Variants in USH2A observed in about 807,000 individuals in gnomAD.
USH2A encodes Usher syndrome 2A (autosomal recessive, mild).
A neutral mutation model predicts 538.9 loss-of-function variants in USH2A; 443 were observed. The ratio of observed to expected loss-of-function variants is 0.82; its 90% CI spans 0.76 to 0.89. The LOEUF is 0.89. Among genes scored for constraint, USH2A ranks in the 40% least tolerant of loss-of-function variants. The pLI is 0.00. For missense variants in USH2A, 6,633 were observed against 6,324.8 expected, an observed-to-expected ratio of 1.05 and a Z score of -1.65; for synonymous variants, 2,413 against 2,273.5, an observed-to-expected ratio of 1.06 and a Z score of -1.75.
At chr1:215,889,936 C>T (rs539367956) in intron 40 of USH2A, among the ~76,000 whole-genome samples, 20 of 152,190 alleles carry the variant, frequency 1.3e-4, no homozygotes, top group South Asian at 2.1e-4. Flanking sequence ...TACTGGGCTG[C>T]GTTAAATTCT....
intron 30 of USH2A, among the ~76,000 whole-genome samples, chr1:216,063,740 C>G (rs2031259222): frequency 6.6e-6 from 1 of 152,098 alleles, no homozygotes; most frequent in African/African-American, 2.4e-5. Flanking sequence ...ATATAGAAGT[C>G]TTCACTTAAT....
chr1:215,836,850 C>T (rs1050138422), intron 47 of USH2A, among the ~76,000 whole-genome samples: 16 of 151,484 alleles, frequency 1.1e-4, no homozygotes, highest in African/African-American at 3.9e-4. Flanking sequence ...GCCACCACGC[C>T]CCACCTTGCC....
chr1:216,214,806 T>C (rs1465103059), intron 15 of USH2A, among the ~76,000 whole-genome samples: 1 of 151,914 alleles, frequency 6.6e-6, no homozygotes, highest in Non-Finnish European at 1.5e-5. Flanking sequence ...ACAATGAGAA[T>C]AGTGTCAAGA....
At chr1:215,631,183 G>A (rs1656272422) in intron 70 of USH2A, among the ~76,000 whole-genome samples, 2 of 152,070 alleles carry the variant, frequency 1.3e-5, no homozygotes, top group South Asian at 2.1e-4. Flanking sequence ...TTGGAAGAGG[G>A]TCACAGCAGC....
chr1:215,930,199 G>A (rs1666329154), intron 38 of USH2A, among the ~76,000 whole-genome samples: 1 of 151,902 alleles, frequency 6.6e-6, no homozygotes, highest in Admixed American at 6.6e-5. Flanking sequence ...TTACAATAAA[G>A]CAGTTCAGAA....
chr1:216,042,120 T>C (rs934065974), intron 32 of USH2A, among the ~76,000 whole-genome samples: 1 of 152,062 alleles, frequency 6.6e-6, no homozygotes, highest in African/African-American at 2.4e-5. Flanking sequence ...TATAATGTTA[T>C]TCAAAACATT....
intron 4 of USH2A, 45 bp from the exon 5 acceptor site, chr1:216,327,699 C>G (rs2037763986): frequency 6.2e-7 from 1 of 1,601,050 alleles, no homozygotes; most frequent in Non-Finnish European, 8.6e-7. Context: ...CTCTGTTTAC[C>G]AAGCAATACC....
chr1:215,804,847 C>A (rs576724104), intron 49 of USH2A, among the ~76,000 whole-genome samples: 5 of 152,006 alleles, frequency 3.3e-5, no homozygotes, highest in African/African-American at 7.2e-5. Context: ...ATGTTTATTG[C>A]GGCACTATTC....
At chr1:216,371,871 G>A (rs535411195) in intron 3 of USH2A, among the ~76,000 whole-genome samples, 16 of 152,138 alleles carry the variant, frequency 1.1e-4, no homozygotes, top group Non-Finnish European at 1.9e-4. Flanking sequence ...AAAAGGCACC[G>A]TTTTCTAACA....
chr1:216,266,330 A>G (rs773042), intron 11 of USH2A, among the ~76,000 whole-genome samples: 96,395 of 151,944 alleles, frequency 0.63, 30,925 homozygotes, highest in East Asian at 0.72. Context: ...AGAGACCAAT[A>G]AAATAAGTCA....
intron 11 of USH2A, among the ~76,000 whole-genome samples, chr1:216,284,808 T>A (rs2036849970): frequency 6.6e-6 from 1 of 152,168 alleles, no homozygotes; most frequent in Non-Finnish European, 1.5e-5. Flanking sequence ...GATAGTGATA[T>A]GGACAATAAA....
intron 33 of USH2A, 97 bp from the exon 34 acceptor site, chr1:215,999,155 T>C: frequency 9.4e-7 from 1 of 1,063,998 alleles, no homozygotes; most frequent in Non-Finnish European, 1.4e-6. Flanking sequence ...TTTGTGACAC[T>C]TTTTTAAAAA....
chr1:215,650,710 G>T lies in USH2A; in HGVS notation c.14225C>A (p.Thr4742Lys). Residue 4742 changes from threonine to lysine, a missense_variant, in exon 65 of 72, where the codon ACG becomes AAG. Coordinates refer to ENST00000307340, the MANE Select transcript of USH2A (RefSeq NM_206933.4). ...TTGGGTAGAAGAGATCACATGGAACGTGGGGGCTCTGAGACCTTCTGGTGG... is the reference window on the plus strand; with the variant it reads ...TTGGGTAGAAGAGATCACATGGAACTTGGGGGCTCTGAGACCTTCTGGTGG... ...PAPPEGLRAPTFHVISSTQAV... is the reference protein window; with the variant it reads ...PAPPEGLRAPKFHVISSTQAV... 2 of 1,614,034 alleles carry T rather than the reference G, an allele frequency of 1.2e-6. No homozygotes were observed. Among genetic ancestry groups the T allele is most frequent in the Non-Finnish European group, 1.7e-6 (2 of 1,180,002 alleles).
intron 61 of USH2A, among the ~76,000 whole-genome samples, chr1:215,705,935 C>A (rs963605615): frequency 6.6e-6 from 1 of 152,164 alleles, no homozygotes; most frequent in Non-Finnish European, 1.5e-5. Flanking sequence ...AGCATAAGTT[C>A]CTTATGCCTC....
intron 21 of USH2A, among the ~76,000 whole-genome samples, chr1:216,147,768 G>A (rs1039762363): frequency 6.6e-6 from 1 of 151,136 alleles, no homozygotes; most frequent in Non-Finnish European, 1.5e-5. Context: ...CCAAACGCCT[G>A]AACCGCAGCG....
intron 38 of USH2A, among the ~76,000 whole-genome samples, chr1:215,918,630 C>T (rs1666020909): frequency 1.3e-5 from 2 of 152,102 alleles, no homozygotes; most frequent in South Asian, 2.1e-4. Context: ...CTTACCTCAA[C>T]ATGCCATTAA....
At chr1:216,096,968 G>T in intron 22 of USH2A, 115 bp downstream of exon 22, 1 of 1,115,282 alleles carries the variant, frequency 9.0e-7, no homozygotes, top group Non-Finnish European at 1.3e-6. Flanking sequence ...GATAATAATA[G>T]TACTTACCTT....
intron 37 of USH2A, among the ~76,000 whole-genome samples, chr1:215,953,867 GA>G (rs1316904535): frequency 1.3e-5 from 2 of 151,662 alleles, no homozygotes; most frequent in African/African-American, 4.8e-5. Flanking sequence ...AAATTTACAA[GA>G]AAAAAACAAA....
rs556015110 is a variant in USH2A, at chr1:215,732,208, T to G, written c.11712-3824A>C. ...AAACACAGGTGATTTACAAAATGAT[T>G]TGTGAAGGTTGAATCGTCAAGTTTT... is the stretch of plus-strand genomic sequence containing the variant. On this transcript the variant is annotated intron_variant, in intron 60 of 71. Transcript: ENST00000307340. Among the ~76,000 whole-genome samples the G allele has an allele frequency of 2.0e-5, 3 of 152,282 alleles. No homozygotes were observed. In the East Asian group the frequency reaches 5.8e-4, roughly 29 times the overall value.
Sources: allele counts gnomAD v4.1 joint callset (sites outside exome capture counted in the v4.1 genomes callset), GRCh38; gene constraint gnomAD v4.1.1; transcripts MANE v1.5; gene names NCBI Gene and HGNC (gene_info 2026-07-23, HGNC 2026-07-21).